GABRG3: variants seen among roughly 807,000 people sequenced by gnomAD.
GABRG3 encodes the protein gamma-aminobutyric acid type A receptor subunit gamma3.
A neutral mutation model predicts 48.8 loss-of-function variants in GABRG3; 25 were observed. The ratio of observed to expected loss-of-function variants is 0.51; its 90% CI spans 0.37 to 0.72. The LOEUF (loss-of-function observed/expected upper bound fraction) is 0.72, where lower values mean the gene tolerates loss of function less well. GABRG3 is among the 30% of genes least tolerant of loss of function. GABRG3 has a pLI of 0.00. For missense variants in GABRG3, 394 were observed against 577.9 expected, an observed-to-expected ratio of 0.68 and a Z score of 3.26; for synonymous variants, 227 against 217.6, an observed-to-expected ratio of 1.04 and a Z score of -0.38.
chr15:27,085,808 AT>A (rs1234919651), intron 3 of GABRG3, among the ~76,000 whole-genome samples: 1 of 152,080 alleles, frequency 6.6e-6, no homozygotes, highest in African/African-American at 2.4e-5. Context: ...TGTTCAGCTT[AT>A]TTTTTCTCCC....
intron 3 of GABRG3, among the ~76,000 whole-genome samples, chr15:27,196,478 T>TTATGTATAA (rs1386732937): frequency 1.3e-5 from 2 of 152,158 alleles, no homozygotes; most frequent in Non-Finnish European, 2.9e-5. Flanking sequence ...GCCTATCAAA[T>TTATGTATAA]TATGTATAAC....
intron 5 of GABRG3, among the ~76,000 whole-genome samples, chr15:27,464,064 C>A (rs567178138): frequency 2.5e-4 from 38 of 152,186 alleles, no homozygotes; most frequent in African/African-American, 5.5e-4. Flanking sequence ...TCATACTACT[C>A]CAGGTTTTTT....
chr15:27,124,348 G>GA (rs1242756098), intron 3 of GABRG3, among the ~76,000 whole-genome samples: 1 of 152,144 alleles, frequency 6.6e-6, no homozygotes. Context: ...TGTGAGGTCT[G>GA]ATTACACTCA....
At chr15:27,358,245 T>C (rs939977609) in intron 5 of GABRG3, among the ~76,000 whole-genome samples, 9 of 152,142 alleles carry the variant, frequency 5.9e-5, no homozygotes, top group Non-Finnish European at 1.5e-5. Flanking sequence ...AGTCTGAAAA[T>C]AACCATAGTT....
At chr15:27,516,893 T>C (rs1891032021) in intron 6 of GABRG3, among the ~76,000 whole-genome samples, 1 of 152,188 alleles carries the variant, frequency 6.6e-6, no homozygotes. Context: ...ATAAAACAAG[T>C]ATTTGGGATT....
intron 5 of GABRG3, among the ~76,000 whole-genome samples, chr15:27,416,233 A>G (rs988007315): frequency 2.6e-5 from 4 of 152,094 alleles, no homozygotes; most frequent in African/African-American, 9.7e-5. Flanking sequence ...GCCTCTAATC[A>G]TATGGTGGTA....
chr15:27,189,222 G>T (rs1371884645), intron 3 of GABRG3, among the ~76,000 whole-genome samples: 1 of 151,378 alleles, frequency 6.6e-6, no homozygotes, highest in Non-Finnish European at 1.5e-5. Context: ...CTCTTTTTTG[G>T]TTCCATATGA....
At chr15:27,355,324 A>G (rs987508541) in intron 5 of GABRG3, among the ~76,000 whole-genome samples, 2 of 152,248 alleles carry the variant, frequency 1.3e-5, no homozygotes, top group African/African-American at 4.8e-5. Context: ...AAAGGGTTTG[A>G]ATAGACATTT....
At chr15:27,412,547 C>G (rs116295452) in intron 5 of GABRG3, among the ~76,000 whole-genome samples, 118 of 152,282 alleles carry the variant, frequency 7.7e-4, no homozygotes, top group African/African-American at 2.7e-3. Context: ...ATTGTGTCAT[C>G]CATTCGCAGA....
chr15:27,325,190 A>G (rs1240496069), intron 3 of GABRG3, among the ~76,000 whole-genome samples: 1 of 152,214 alleles, frequency 6.6e-6, no homozygotes. Flanking sequence ...ACACACATGC[A>G]CACACTCACA....
chr15:27,406,863 G>A (rs1055746715), intron 5 of GABRG3, among the ~76,000 whole-genome samples: 3 of 152,156 alleles, frequency 2.0e-5, no homozygotes, highest in South Asian at 2.1e-4. Flanking sequence ...TGGGAACTCC[G>A]TACCATGTTT....
At chr15:27,048,980 C>G (rs556839082) in intron 3 of GABRG3, among the ~76,000 whole-genome samples, 1 of 152,250 alleles carries the variant, frequency 6.6e-6, no homozygotes, top group Non-Finnish European at 1.5e-5. Context: ...CACCACGCTA[C>G]GGGGCTCTGT....
intron 5 of GABRG3, among the ~76,000 whole-genome samples, chr15:27,343,584 GGC>G (rs754310673): frequency 2.5e-4 from 38 of 152,272 alleles, no homozygotes; most frequent in Non-Finnish European, 3.7e-4. Context: ...ATGTGTAGGT[GGC>G]TGTCTAAGCT....
intron 3 of GABRG3, among the ~76,000 whole-genome samples, chr15:27,284,514 T>C (rs1891545070): frequency 6.6e-6 from 1 of 152,210 alleles, no homozygotes; most frequent in African/African-American, 2.4e-5. Flanking sequence ...ACACACTCTC[T>C]CTCTCACACA....
intron 7 of GABRG3, among the ~76,000 whole-genome samples, chr15:27,524,749 TC>T (rs1891234602): frequency 6.6e-6 from 1 of 152,066 alleles, no homozygotes; most frequent in Admixed American, 6.5e-5. Context: ...AAAATCAAGT[TC>T]TAAAATATGT....
At chr15:27,024,755 A>G (rs6606857) in intron 2 of GABRG3, among the ~76,000 whole-genome samples, 101,082 of 151,994 alleles carry the variant, frequency 0.67, 33,739 homozygotes, top group African/African-American at 0.71. Flanking sequence ...GGCCGGGCAC[A>G]GTGGCTCATG....
intron 5 of GABRG3, among the ~76,000 whole-genome samples, chr15:27,437,030 AGAGC>A (rs550127989): frequency 4.8e-5 from 7 of 146,696 alleles, no homozygotes; most frequent in African/African-American, 1.8e-4. Flanking sequence ...AGAGAGAGAG[AGAGC>A]GCCCACATTC....
intron 3 of GABRG3, among the ~76,000 whole-genome samples, chr15:27,081,060 G>A (rs969845200): frequency 6.6e-6 from 1 of 152,204 alleles, no homozygotes; most frequent in Admixed American, 6.5e-5. Flanking sequence ...AGCTGAGTGA[G>A]TTGAGCCCAC....
Position 27,457,762 on chromosome 15 carries a change from G to A in GABRG3, c.575-22888G>A, listed in dbSNP as rs1329309069. Among the ~76,000 whole-genome samples the A allele has an allele frequency of 2.0e-5, 3 of 152,180 alleles. No individual in the cohort carries two copies. The highest frequency in any genetic ancestry group is 4.4e-5 in the Non-Finnish European group (3 of 68,026). ...GCCAGTGGTATAACGAGTACCCACT[G>A]CTTTTTCTGCCTGTGTTTCACAAGG... On this transcript the variant is annotated intron_variant, in intron 5 of 9. Coordinates refer to ENST00000615808, the MANE Select transcript of GABRG3 (RefSeq NM_033223.5). The surrounding 1 kb of genome is among the most constrained non-coding windows in gnomAD (Gnocchi z 4.4).
Sources: gnomAD v4.1 joint callset for allele counts (sites outside exome capture counted in the v4.1 genomes callset) on GRCh38, gnomAD v4.1.1 for gene constraint, Gnocchi (gnomAD v3.1) non-coding constraint, MANE v1.5 for transcripts, NCBI Gene and HGNC (gene_info 2026-07-23, HGNC 2026-07-21) for gene names.